CPVL: variants seen among roughly 807,000 people sequenced by gnomAD.
CPVL encodes the protein probable serine carboxypeptidase CPVL.
Under a neutral mutation model 63.7 loss-of-function variants are expected in CPVL, and 51 were observed. That is an observed-to-expected ratio of 0.80 (90% CI 0.64 to 1.01). The LOEUF (loss-of-function observed/expected upper bound fraction) is 1.01. Among genes scored for constraint, CPVL ranks in the 50% least tolerant of loss-of-function variants. CPVL has a pLI of 0.00. For synonymous variants in CPVL, 195 were observed against 206.0 expected, an observed-to-expected ratio of 0.95 and a Z score of 0.46; for missense variants, 530 against 573.1, an observed-to-expected ratio of 0.92 and a Z score of 0.77.
At chr7:29,029,567 C>T (rs1787818812) in intron 12 of CPVL, among the ~76,000 whole-genome samples, 2 of 152,220 alleles carry the variant, frequency 1.3e-5, no homozygotes, top group Non-Finnish European at 1.5e-5. Context: ...AGACAAATAT[C>T]GTATGTTCTC....
intron 2 of CPVL, among the ~76,000 whole-genome samples, chr7:29,186,280 G>C (rs1467511716): frequency 6.6e-6 from 1 of 152,092 alleles, no homozygotes; most frequent in Admixed American, 6.5e-5. Context: ...TATCATCATA[G>C]GTTCAAATTG....
intron 5 of CPVL, among the ~76,000 whole-genome samples, chr7:29,178,760 G>A (rs1797697817): frequency 6.6e-6 from 1 of 152,132 alleles, no homozygotes. Context: ...TTCACAACTT[G>A]GAGTGGAATT....
At chr7:29,177,647 T>A (rs900982411) in intron 5 of CPVL, among the ~76,000 whole-genome samples, 1 of 151,842 alleles carries the variant, frequency 6.6e-6, no homozygotes, top group African/African-American at 2.4e-5. Flanking sequence ...TATCTATCTG[T>A]CCATCTATTA....
At chr7:29,057,203 G>C (rs1236216330) in intron 11 of CPVL, among the ~76,000 whole-genome samples, 1 of 151,820 alleles carries the variant, frequency 6.6e-6, no homozygotes, top group African/African-American at 2.4e-5. Flanking sequence ...TGATCCTCTC[G>C]CCTTGGCCTC....
intron 11 of CPVL, among the ~76,000 whole-genome samples, chr7:29,044,059 T>C (rs1789385423): frequency 6.6e-6 from 1 of 152,176 alleles, no homozygotes; most frequent in Non-Finnish European, 1.5e-5. Context: ...ATTCTGGCTC[T>C]AGACCATCTG....
In CPVL at chr7:29,025,349, T is replaced by C. The variant is rs1454178840; in HGVS notation, c.1320+5228A>G. Among the ~76,000 whole-genome samples, 6 of 152,322 alleles carry C rather than the reference T, an allele frequency of 3.9e-5. 1 individual carries two copies. The East Asian group carries it at 1.2e-3, about 29-fold the overall frequency. ...TGGCAGAAGGCAAAGTGGGTGCATG[T>C]GTTTCACATGACAAGAGCAGGAACA... On this transcript the variant is annotated intron_variant, in intron 12 of 12. Transcript: ENST00000265394.
chr7:29,045,040 AG>A (rs1282088122), intron 11 of CPVL, among the ~76,000 whole-genome samples: 1 of 152,252 alleles, frequency 6.6e-6, no homozygotes, highest in Non-Finnish European at 1.5e-5. Flanking sequence ...GTGTGCACCA[AG>A]AAAAACAACT....
At chr7:29,157,027 G>A (rs942120180) in intron 5 of CPVL, among the ~76,000 whole-genome samples, 2 of 152,160 alleles carry the variant, frequency 1.3e-5, no homozygotes, top group Non-Finnish European at 2.9e-5. Context: ...ATGTCAGCAG[G>A]AAGTAATCTC....
chr7:29,053,902 A>G (rs185951554), intron 11 of CPVL, among the ~76,000 whole-genome samples: 133 of 151,798 alleles, frequency 8.8e-4, no homozygotes, highest in Middle Eastern at 3.4e-3. Flanking sequence ...AAAAAAAAAA[A>G]AAAGAAAGAA....
At chr7:29,117,264 C>T (rs1367398702) in intron 2 of CPVL, among the ~76,000 whole-genome samples, 6 of 152,168 alleles carry the variant, frequency 3.9e-5, no homozygotes, top group Non-Finnish European at 1.5e-5. Context: ...TCTTTCTTGG[C>T]TGCTGCTAAT....
At chr7:29,174,873 A>G (rs921534863) in intron 5 of CPVL, among the ~76,000 whole-genome samples, 6 of 152,152 alleles carry the variant, frequency 3.9e-5, no homozygotes, top group African/African-American at 1.4e-4. Context: ...AAAAAAAAAA[A>G]AAAGAATTTT....
At chr7:29,134,989 G>C (rs768391628) in intron 1 of CPVL, among the ~76,000 whole-genome samples, 1 of 151,680 alleles carries the variant, frequency 6.6e-6, no homozygotes, top group Admixed American at 6.6e-5. Context: ...TGTGATCCCA[G>C]CTACTTAGGG....
chr7:29,193,769 T>G (rs531823175), intron 1 of CPVL: 1 of 152,348 alleles, frequency 6.6e-6, no homozygotes, highest in South Asian at 2.1e-4. Flanking sequence ...TGCCAAGTCT[T>G]AAGTCTTTTG....
chr7:29,157,145 G>A (rs1418982737), intron 5 of CPVL, among the ~76,000 whole-genome samples: 2 of 152,154 alleles, frequency 1.3e-5, no homozygotes, highest in African/African-American at 4.8e-5. Context: ...AAAGAATAAT[G>A]AAGAGCTGTC....
chr7:29,179,293 G>A (rs245915), intron 5 of CPVL, among the ~76,000 whole-genome samples: 1 of 152,042 alleles, frequency 6.6e-6, no homozygotes, highest in Non-Finnish European at 1.5e-5. Flanking sequence ...CCCATCCCAC[G>A]CCAAGTCATG....
intron 12 of CPVL, among the ~76,000 whole-genome samples, chr7:29,007,731 C>T (rs185834772): frequency 3.4e-5 from 5 of 148,668 alleles, no homozygotes; most frequent in African/African-American, 1.3e-4. Context: ...TCATGACACT[C>T]CTTGAGAGAT....
chr7:29,086,447 T>C, intron 7 of CPVL, 37 bp downstream of exon 7: 1 of 1,409,192 alleles, frequency 7.1e-7, no homozygotes, highest in Non-Finnish European at 1.0e-6. Flanking sequence ...GTTCTGGTGA[T>C]GTTTGAAGCA....
At chr7:29,105,987 T>TA (rs1787679648) in intron 3 of CPVL, among the ~76,000 whole-genome samples, 1 of 152,130 alleles carries the variant, frequency 6.6e-6, no homozygotes, top group African/African-American at 2.4e-5. Context: ...GCCCATAAGT[T>TA]AGGGAGGGGA....
upstream of CPVL, among the ~76,000 whole-genome samples, chr7:29,150,662 G>A (rs1230469296): frequency 6.6e-6 from 1 of 152,202 alleles, no homozygotes; most frequent in East Asian, 1.9e-4. Context: ...GAGCTGCAAT[G>A]GAAACAAGGG....
Sources: gnomAD v4.1 joint callset for allele counts (sites outside exome capture counted in the v4.1 genomes callset) on GRCh38, gnomAD v4.1.1 for gene constraint, MANE v1.5 for transcripts, NCBI Gene and HGNC (gene_info 2026-07-23, HGNC 2026-07-21) for gene names.